Variants in IWS1 observed in about 807,000 individuals in gnomAD.
IWS1 encodes interacts with SUPT6H, CTD assembly factor 1, also known as protein IWS1 homolog.
In IWS1, 27 loss-of-function variants were observed where a neutral mutation model predicts 86.7. The observed-to-expected ratio is 0.31, with a 90% CI of 0.23 to 0.43. The LOEUF is 0.43. Ranked by LOEUF, IWS1 falls within the 20% of genes least tolerant of loss-of-function variation. IWS1 has a pLI of 1.00. For missense variants in IWS1, 827 were observed against 1,000.8 expected, an observed-to-expected ratio of 0.83 and a Z score of 2.34; for synonymous variants, 313 against 335.1, an observed-to-expected ratio of 0.93 and a Z score of 0.72.
intron 2 of IWS1, among the ~76,000 whole-genome samples, chr2:127,508,809 T>C (rs1573546926): frequency 1.3e-5 from 2 of 152,302 alleles, no homozygotes; most frequent in Middle Eastern, 6.8e-3. Context: ...AAGGCAATAT[T>C]AGAAACTGTG....
chr2:127,488,304 T>C (rs537481157), intron 12 of IWS1, among the ~76,000 whole-genome samples: 1 of 152,374 alleles, frequency 6.6e-6, no homozygotes, highest in South Asian at 2.1e-4. Context: ...TTACAAGTTC[T>C]AGACCCATAA....
At chr2:127,526,146 C>A in intron 1 of IWS1, 29 bp downstream of exon 1, 1 of 1,586,256 alleles carries the variant, frequency 6.3e-7, no homozygotes, top group Non-Finnish European at 8.6e-7. Flanking sequence ...CTCCGCCTCC[C>A]AGCCCGGTCC....
intron 9 of IWS1, among the ~76,000 whole-genome samples, chr2:127,492,577 G>A (rs1027697291): frequency 1.3e-5 from 2 of 151,342 alleles, no homozygotes; most frequent in African/African-American, 4.9e-5. Context: ...GAGGTTGAGA[G>A]CTCAGTATTA....
chr2:127,481,288 A>C, intron 13 of IWS1, 113 bp from the exon 14 acceptor site: 1 of 948,294 alleles, frequency 1.1e-6, no homozygotes, highest in Non-Finnish European at 1.5e-6. Flanking sequence ...GCTCTGGAAT[A>C]ACCAGAATGT....
In IWS1 at chr2:127,504,879, T is replaced by C; in HGVS notation, c.1024A>G (p.Thr342Ala). 6.2e-7 allele frequency: 1 copy of C among 1,614,224 alleles called. No homozygotes were observed. Among genetic ancestry groups the C allele is most frequent in the South Asian group, 1.1e-5 (1 of 91,092 alleles). ...DSDRENKGEDTEMQNDSFHSD... is the reference protein window; with the variant it reads ...DSDRENKGEDAEMQNDSFHSD... Reference sequence around the variant, plus strand: ...TGGAAGGAGTCATTCTGCATTTCTGTATCCTCTCCCTTATTCTCCCTGTCG... The same window carrying C: ...TGGAAGGAGTCATTCTGCATTTCTGCATCCTCTCCCTTATTCTCCCTGTCG... The change falls in exon 3 of 14, where the codon ACA (threonine) becomes GCA (alanine). Residue 342 changes from threonine (T) to alanine (A), a missense_variant. Thr to Ala is a moderately conservative substitution (Grantham distance 58, BLOSUM62 0). This residue lies in a region of IWS1 where 548 missense variants were observed against 560.2 expected (regional missense o/e 0.98). Transcript: ENST00000295321.
intron 2 of IWS1, among the ~76,000 whole-genome samples, chr2:127,511,823 T>G (rs1394214865): frequency 1.3e-5 from 2 of 152,124 alleles, no homozygotes; most frequent in Non-Finnish European, 2.9e-5. Context: ...GTAGACAGAA[T>G]CAAAAGAACT....
intron 2 of IWS1, among the ~76,000 whole-genome samples, chr2:127,511,848 C>T (rs1321759843): frequency 4.6e-5 from 7 of 152,204 alleles, no homozygotes; most frequent in African/African-American, 1.7e-4. Flanking sequence ...AGAAATAGGA[C>T]AGCAATGGCC....
chr2:127,510,226 G>C (rs562296514), intron 2 of IWS1, among the ~76,000 whole-genome samples: 2 of 152,124 alleles, frequency 1.3e-5, no homozygotes, highest in Non-Finnish European at 2.9e-5. Context: ...TTGTCAATGC[G>C]TATCAGTTTA....
chr2:127,517,273 A>C (rs1310116816), intron 2 of IWS1, among the ~76,000 whole-genome samples: 1 of 152,222 alleles, frequency 6.6e-6, no homozygotes, highest in Non-Finnish European at 1.5e-5. Flanking sequence ...AGGTAACTCC[A>C]CGAGACCCAG....
At chr2:127,487,664 C>T (rs1404609052) in intron 12 of IWS1, among the ~76,000 whole-genome samples, 5 of 152,146 alleles carry the variant, frequency 3.3e-5, no homozygotes, top group Non-Finnish European at 5.9e-5. Flanking sequence ...CATTCTCCTG[C>T]CCCAGCCTAC....
intron 12 of IWS1, 110 bp from the exon 13 acceptor site, chr2:127,486,774 G>A (rs373249403): frequency 1.8e-4 from 149 of 821,010 alleles, no homozygotes; most frequent in East Asian, 1.7e-3. Flanking sequence ...TGCAATGTTC[G>A]AAACTCCTCT....
intron 2 of IWS1, among the ~76,000 whole-genome samples, chr2:127,512,185 AG>A (rs1331234662): frequency 6.6e-6 from 1 of 152,244 alleles, no homozygotes; most frequent in Non-Finnish European, 1.5e-5. Flanking sequence ...CTGGATGTTA[AG>A]ATAAGCATTT....
chr2:127,484,441 C>CTGGACATGTCTTTTCT (rs1689818457), intron 13 of IWS1: 2 of 152,118 alleles, frequency 1.3e-5, no homozygotes, highest in Non-Finnish European at 2.9e-5. Flanking sequence ...ATTTCTTTTC[C>CTGGACATGTCTTTTCT]TGGACATGTC....
intron 2 of IWS1, among the ~76,000 whole-genome samples, chr2:127,510,929 T>A (rs1028957584): frequency 3.3e-5 from 5 of 152,200 alleles, no homozygotes; most frequent in Admixed American, 2.6e-4. Flanking sequence ...CACCTCCAGA[T>A]ATTAATTCAG....
intron 12 of IWS1, among the ~76,000 whole-genome samples, chr2:127,487,736 G>A (rs1403364825): frequency 6.6e-6 from 1 of 152,110 alleles, no homozygotes; most frequent in South Asian, 2.1e-4. Context: ...ATTTTTAGTA[G>A]AGATGGGGTT....
upstream of IWS1, chr2:127,526,665 C>G (rs2104757837): frequency 7.6e-7 from 1 of 1,318,570 alleles, no homozygotes; most frequent in African/African-American, 1.5e-5. Context: ...GTCTGACCCC[C>G]GTGGTAATAA....
chr2:127,495,962 G>T, intron 7 of IWS1, 36 bp downstream of exon 7: 1 of 1,535,424 alleles, frequency 6.5e-7, no homozygotes, highest in South Asian at 1.2e-5. Flanking sequence ...CTCAGTGGGA[G>T]GAAAAAAAGG....
At chr2:127,503,140 A>G (rs1026199771) in intron 4 of IWS1, among the ~76,000 whole-genome samples, 3 of 152,172 alleles carry the variant, frequency 2.0e-5, no homozygotes, top group African/African-American at 7.2e-5. Flanking sequence ...AACACCACAG[A>G]TAAATTTTGC....
At chr2:127,518,959 T>G (rs183793361) in intron 2 of IWS1, among the ~76,000 whole-genome samples, 2 of 152,342 alleles carry the variant, frequency 1.3e-5, no homozygotes, top group East Asian at 3.9e-4. Context: ...GGATAACCAG[T>G]ACTGGTTTTT....
Sources: gnomAD v4.1 joint callset for allele counts (sites outside exome capture counted in the v4.1 genomes callset) on GRCh38, gnomAD v4.1.1 for gene constraint, gnomAD v4.1.1 regional missense constraint, MANE v1.5 for transcripts, NCBI Gene and HGNC (gene_info 2026-07-23, HGNC 2026-07-21) for gene names.